ATXN10: variants seen among roughly 807,000 people sequenced by gnomAD.
ATXN10 encodes ataxin-10.
A neutral mutation model predicts 52.9 loss-of-function variants in ATXN10; 28 were observed. That is an observed-to-expected ratio of 0.53 (90% CI 0.39 to 0.73). ATXN10 has a LOEUF of 0.73. Among genes scored for constraint, ATXN10 ranks in the 30% least tolerant of loss-of-function variants. The pLI, the probability that ATXN10 is intolerant of heterozygous loss-of-function variation, is 0.00. For missense variants in ATXN10, 565 were observed against 577.0 expected (o/e 0.98, Z 0.21); for synonymous variants, 226 against 221.5 (o/e 1.02, Z -0.18).
rs1475296083 is a variant in ATXN10 at position 45,766,812 on chromosome 22, T to C, written c.1173+26274T>C. 6.6e-6 allele frequency among the ~76,000 whole-genome samples: 1 copy of C among 151,678 alleles called. No individual in the cohort carries two copies. Among genetic ancestry groups the C allele is most frequent in the Non-Finnish European group, 1.5e-5 (1 of 67,884 alleles). On this transcript the variant is annotated intron_variant, in intron 9 of 11. Transcript: ENST00000252934. The surrounding 1 kb of genome is among the most constrained non-coding windows in gnomAD (Gnocchi z 4.6). ...CCATAATACAAAGAGTTTCCAAAAA[T>C]AAAGGAAAAAACCAATAGCCCTACA... is the stretch of plus-strand genomic sequence containing the variant.
At chr22:45,706,041 ATC>A (rs1924028438) in intron 5 of ATXN10, among the ~76,000 whole-genome samples, 1 of 152,182 alleles carries the variant, frequency 6.6e-6, no homozygotes, top group Non-Finnish European at 1.5e-5. Context: ...CCTTATGAGA[ATC>A]TATTACAACT....
Position 45,727,762 on chromosome 22 carries a change from G to A in ATXN10, c.729-1663G>A, listed in dbSNP as rs188173741. Among the ~76,000 whole-genome samples, 27 of 152,246 alleles carry A rather than the reference G, an allele frequency of 1.8e-4. No homozygotes were observed. The East Asian group carries it at 4.6e-3, about 26-fold the overall frequency. On this transcript the variant is annotated intron_variant, in intron 6 of 11. Transcript: ENST00000252934. This position sits in a 1 kb window ranked among gnomAD's most constrained non-coding sequence, Gnocchi z 4.6. ...TAGTAACTGTTTTGTGAATCTGGGA[G>A]CTTCAGAGTTAGGTGCATATATATT...
intron 3 of ATXN10, among the ~76,000 whole-genome samples, chr22:45,697,245 C>T (rs1601593811): frequency 6.6e-6 from 1 of 152,178 alleles, no homozygotes; most frequent in East Asian, 1.9e-4. Flanking sequence ...AGCAATTCTC[C>T]TGCCTCAGCC....
intron 1 of ATXN10, chr22:45,672,439 C>T (rs1922499314): frequency 4.9e-6 from 1 of 204,866 alleles, no homozygotes; most frequent in African/African-American, 2.3e-5. Context: ...TCCCGGGAGC[C>T]CTTGCCGCGG....
In ATXN10 at chr22:45,763,907, C is replaced by A. The variant is rs1926487915; in HGVS notation, c.1173+23369C>A. 6.6e-6 allele frequency among the ~76,000 whole-genome samples: 1 copy of A among 151,552 alleles called. No homozygotes were observed. Among genetic ancestry groups the A allele is most frequent in the Admixed American group, 6.6e-5 (1 of 15,230 alleles). On this transcript the variant is annotated intron_variant, in intron 9 of 11. Transcript: ENST00000252934. This position sits in a 1 kb window ranked among gnomAD's most constrained non-coding sequence, Gnocchi z 6.9. ...CTGTGTTAGGCTCTTACCCCCACCT[C>A]CCCCAGTGTCTTCCAGGCCCCCTTC...
At chr22:45,785,599 G>T (rs898808536) in intron 9 of ATXN10, among the ~76,000 whole-genome samples, 14 of 152,206 alleles carry the variant, frequency 9.2e-5, no homozygotes, top group African/African-American at 3.4e-4. Flanking sequence ...CCTTCTGTTT[G>T]CAGTAGAGCT....
intron 9 of ATXN10, among the ~76,000 whole-genome samples, chr22:45,767,398 T>C (rs532547399): frequency 6.6e-5 from 10 of 151,896 alleles, no homozygotes; most frequent in African/African-American, 2.4e-4. Context: ...TATGTACATA[T>C]TCATATATTT....
intron 10 of ATXN10, among the ~76,000 whole-genome samples, chr22:45,807,726 C>T (rs1928148723): frequency 6.6e-6 from 1 of 152,218 alleles, no homozygotes; most frequent in East Asian, 1.9e-4. Context: ...ATAAAACCTA[C>T]TGTTTAATTT....
At chr22:45,700,453 G>T in intron 4 of ATXN10, 75 bp downstream of exon 4, 2 of 1,220,410 alleles carry the variant, frequency 1.6e-6, no homozygotes. Flanking sequence ...TATAAAGTTC[G>T]AAAACAGGAA....
intron 10 of ATXN10, among the ~76,000 whole-genome samples, chr22:45,815,418 G>A (rs1928427197): frequency 6.6e-6 from 1 of 152,198 alleles, no homozygotes; most frequent in South Asian, 2.1e-4. Context: ...ACACGTGAAA[G>A]AACTTACCTA....
rs140181815 is a variant in ATXN10, at chr22:45,791,237, A to G, written c.1174-15722A>G. Among the ~76,000 whole-genome samples, 61 of 152,312 alleles carry G rather than the reference A, an allele frequency of 4.0e-4. 1 individual carries two copies. The East Asian group carries it at 0.011, about 28-fold the overall frequency. On this transcript the variant is annotated intron_variant, in intron 9 of 11. Coordinates refer to ENST00000252934, the MANE Select transcript of ATXN10 (RefSeq NM_013236.4). ...ATAGTAAGACTGAAATACTTTTTACATCATTCTAGTTCCTCTTTGATTTTC... is the reference window on the plus strand; with the variant it reads ...ATAGTAAGACTGAAATACTTTTTACGTCATTCTAGTTCCTCTTTGATTTTC...
chr22:45,695,877 G>A (rs776252862), intron 3 of ATXN10, among the ~76,000 whole-genome samples: 1 of 152,104 alleles, frequency 6.6e-6, no homozygotes, highest in Non-Finnish European at 1.5e-5. Context: ...TTTTTTCACA[G>A]GTGAAATAGG....
intron 5 of ATXN10, among the ~76,000 whole-genome samples, chr22:45,714,265 A>G (rs1328558486): frequency 6.6e-6 from 1 of 151,502 alleles, no homozygotes. Flanking sequence ...CTATTTTTCT[A>G]TTGGGGTATT....
rs532308895 is a variant in ATXN10 at position 45,682,719 on chromosome 22, T to G, written c.117-6993T>G. ...TCCACCAGATATCCTCAGAGTACTC[T>G]TGTTTCTGTAAACAATAAATACATC... On this transcript the variant is annotated intron_variant, in intron 1 of 11. Transcript: ENST00000252934. Among the ~76,000 whole-genome samples the G allele has an allele frequency of 1.4e-4, 22 of 152,352 alleles. No individual in the cohort carries two copies. The South Asian group carries it at 1.7e-3, about 11-fold the overall frequency.
At position 45,702,856 on chromosome 22, in the gene ATXN10, C is replaced by A; in HGVS notation, c.647+9C>A. 6.2e-7 allele frequency: 1 copy of A among 1,613,490 alleles called. No homozygotes were observed. Among genetic ancestry groups the A allele is most frequent in the South Asian group, 1.1e-5 (1 of 91,050 alleles). ...CCTGAATCAGAATGGCCGTAAGTAT[C>A]TTGTTAGAAATTTGATTGCTTTGGG... On this transcript the variant is annotated intron_variant, in intron 5 of 11. Coordinates refer to ENST00000252934, the MANE Select transcript of ATXN10 (RefSeq NM_013236.4).
In ATXN10 at chr22:45,708,710, A is replaced by T. The variant is rs575169595; in HGVS notation, c.647+5863A>T. Among the ~76,000 whole-genome samples, 28 of 151,982 alleles carry T rather than the reference A, an allele frequency of 1.8e-4. No individual in the cohort carries two copies. The South Asian group carries it at 4.2e-3, about 23-fold the overall frequency. ...GCTGGAGTGCAGTGGTGTGATCTTG[A>T]CTCACTGCAACCTCTGCCTCCCGGG... On this transcript the variant is annotated intron_variant, in intron 5 of 11. Transcript: ENST00000252934. The surrounding 1 kb of genome is among the most constrained non-coding windows in gnomAD (Gnocchi z 5.3).
rs1297381491 is a variant in ATXN10 at position 45,762,867 on chromosome 22, C to T, written c.1173+22329C>T. The stretch of plus-strand genomic sequence containing the variant: ...GCGTGGCTTCCCTTGGGTCTGTCTC[C>T]ATCCCTGTTGTAGTCCCTCACAGCC... On this transcript the variant is annotated intron_variant, in intron 9 of 11. Transcript: ENST00000252934. The surrounding 1 kb of genome is among the most constrained non-coding windows in gnomAD (Gnocchi z 4.3). Among the ~76,000 whole-genome samples, 2 of 152,210 alleles carry T rather than the reference C, an allele frequency of 1.3e-5. No homozygotes were observed. The highest frequency in any genetic ancestry group is 2.9e-5 in the Non-Finnish European group (2 of 68,048).
In ATXN10 at chr22:45,781,566, T is replaced by A. The variant is rs58917892; in HGVS notation, c.1174-25393T>A. 0.14 allele frequency among the ~76,000 whole-genome samples: 22,024 copies of A among 152,194 alleles called. 1,978 individuals are homozygous for A. Among genetic ancestry groups the A allele is most frequent in the Non-Finnish European group, 0.2 (13,640 of 67,998 alleles). On this transcript the variant is annotated intron_variant, in intron 9 of 11. Transcript: ENST00000252934. This position sits in a 1 kb window ranked among gnomAD's most constrained non-coding sequence, Gnocchi z 4.2. The stretch of plus-strand genomic sequence containing the variant: ...ACACCCAAATGTTTAGAGTACAATT[T>A]AAAATCATGGGTTACACTAAGGACC...
At chr22:45,773,948 G>A (rs1316584025) in intron 9 of ATXN10, among the ~76,000 whole-genome samples, 3 of 152,172 alleles carry the variant, frequency 2.0e-5, no homozygotes, top group Non-Finnish European at 4.4e-5. Flanking sequence ...CCCATTAGTG[G>A]GATACTATGT....
Sources: gnomAD v4.1 joint callset for allele counts (sites outside exome capture counted in the v4.1 genomes callset) on GRCh38, gnomAD v4.1.1 for gene constraint, Gnocchi (gnomAD v3.1) non-coding constraint, MANE v1.5 for transcripts, NCBI Gene and HGNC (gene_info 2026-07-23, HGNC 2026-07-21) for gene names.